PTPRN2: variants seen among roughly 807,000 people sequenced by gnomAD.
PTPRN2 encodes the protein receptor-type tyrosine-protein phosphatase N2.
Under a neutral mutation model 118.8 loss-of-function variants are expected in PTPRN2, and 74 were observed. The observed-to-expected ratio is 0.62, with a 90% CI of 0.52 to 0.76. The LOEUF is 0.76. Among genes scored for constraint, PTPRN2 ranks in the 30% least tolerant of loss-of-function variants. The pLI, the probability that PTPRN2 is intolerant of heterozygous loss-of-function variation, is 0.00. For missense variants in PTPRN2, 1,481 were observed against 1,394.4 expected (o/e 1.06, Z -0.99); for synonymous variants, 641 against 608.0 (o/e 1.05, Z -0.80).
intron 3 of PTPRN2, among the ~76,000 whole-genome samples, chr7:158,271,960 T>G (rs533217097): frequency 1.3e-5 from 2 of 152,310 alleles, no homozygotes; most frequent in South Asian, 2.1e-4. Context: ...GCTATGGCAA[T>G]TGTGACTAAT....
intron 20 of PTPRN2, among the ~76,000 whole-genome samples, chr7:157,570,093 A>T (rs1316192083): frequency 2.6e-5 from 4 of 152,248 alleles, no homozygotes; most frequent in Non-Finnish European, 5.9e-5. Context: ...GTAAATGTTT[A>T]AAAAACGGCA....
intron 2 of PTPRN2, among the ~76,000 whole-genome samples, chr7:158,445,101 C>A (rs972852295): frequency 6.6e-6 from 1 of 152,196 alleles, no homozygotes; most frequent in African/African-American, 2.4e-5. Flanking sequence ...TTCACCCTCG[C>A]TGGGCAAGAG....
chr7:158,226,287 G>C (rs1769501204), intron 3 of PTPRN2, among the ~76,000 whole-genome samples: 1 of 152,198 alleles, frequency 6.6e-6, no homozygotes, highest in Admixed American at 6.5e-5. Flanking sequence ...AGTTTGAGAA[G>C]CAGAATTGGT....
intron 2 of PTPRN2, among the ~76,000 whole-genome samples, chr7:158,383,865 G>A (rs184904966): frequency 1.0e-3 from 158 of 152,306 alleles, no homozygotes; most frequent in Non-Finnish European, 1.8e-3. Flanking sequence ...ACAGAATTAC[G>A]TAATAACGTC....
intron 8 of PTPRN2, among the ~76,000 whole-genome samples, chr7:158,136,115 G>A (rs759453183): frequency 5.3e-5 from 8 of 152,216 alleles, no homozygotes; most frequent in South Asian, 4.1e-4. Flanking sequence ...CTCTTCCTGT[G>A]GCATCCAGCG....
intron 14 of PTPRN2, among the ~76,000 whole-genome samples, chr7:157,642,842 A>AAG (rs1804781981): frequency 6.8e-6 from 1 of 146,780 alleles, no homozygotes; most frequent in South Asian, 2.2e-4. Context: ...AAAAAAAAAA[A>AAG]AAGCAGCTAA....
At chr7:157,767,442 CTT>C (rs1327006542) in intron 12 of PTPRN2, among the ~76,000 whole-genome samples, 2 of 152,228 alleles carry the variant, frequency 1.3e-5, no homozygotes, top group African/African-American at 4.8e-5. Flanking sequence ...ATGCCTGACA[CTT>C]TGTACGGTGT....
At chr7:157,544,333 G>A (rs1008194947) in intron 22 of PTPRN2, among the ~76,000 whole-genome samples, 1 of 152,254 alleles carries the variant, frequency 6.6e-6, no homozygotes, top group African/African-American at 2.4e-5. Flanking sequence ...TGCTGGGTTG[G>A]GAAGATAGGA....
intron 6 of PTPRN2, among the ~76,000 whole-genome samples, chr7:158,154,324 A>G (rs1244292212): frequency 6.6e-6 from 1 of 152,206 alleles, no homozygotes; most frequent in Non-Finnish European, 1.5e-5. Context: ...GTGAAACTGA[A>G]TCAATAACTC....
rs143289259 is a variant in PTPRN2, at chr7:157,869,556, G to C, written c.1788+29117C>G. ...CCATTCCCAAGGCACTGAGGACCTT[G>C]GGAATTTAGCCACATCAATGCAGTC... On this transcript the variant is annotated intron_variant, in intron 12 of 22. Coordinates refer to ENST00000389418, the MANE Select transcript of PTPRN2 (RefSeq NM_002847.5). This position sits in a 1 kb window ranked among gnomAD's most constrained non-coding sequence, Gnocchi z 4.2. 2.8e-3 allele frequency among the ~76,000 whole-genome samples: 431 copies of C among 152,264 alleles called. 2 individuals are homozygous for C. The highest frequency in any genetic ancestry group is 9.9e-3 in the African/African-American group (410 of 41,542).
intron 1 of PTPRN2, among the ~76,000 whole-genome samples, chr7:158,531,766 C>T (rs1279414209): frequency 6.6e-6 from 1 of 152,188 alleles, no homozygotes; most frequent in East Asian, 1.9e-4. Context: ...GCTCGACGCC[C>T]TCACCCACCA....
At chr7:158,279,963 T>C (rs1270070667) in intron 3 of PTPRN2, among the ~76,000 whole-genome samples, 1 of 152,146 alleles carries the variant, frequency 6.6e-6, no homozygotes, top group East Asian at 1.9e-4. Flanking sequence ...TCGAGGTCTG[T>C]GCACTTAATC....
chr7:158,285,892 G>A (rs1241545240), intron 3 of PTPRN2, among the ~76,000 whole-genome samples: 1 of 152,090 alleles, frequency 6.6e-6, no homozygotes, highest in Admixed American at 6.5e-5. Flanking sequence ...AGGTTTCACA[G>A]AGAGAGCTCC....
intron 11 of PTPRN2, among the ~76,000 whole-genome samples, chr7:158,069,219 C>T (rs965167578): frequency 6.6e-6 from 1 of 152,160 alleles, no homozygotes; most frequent in Non-Finnish European, 1.5e-5. Context: ...GATAGGGTCA[C>T]GCTCTATCAC....
intron 12 of PTPRN2, among the ~76,000 whole-genome samples, chr7:157,769,372 C>A (rs1215957193): frequency 6.6e-6 from 1 of 152,196 alleles, no homozygotes; most frequent in African/African-American, 2.4e-5. Flanking sequence ...GAATTCCACA[C>A]CCCTTCCCTG....
chr7:157,810,731 GGA>G (rs1805968590), intron 12 of PTPRN2, among the ~76,000 whole-genome samples: 1 of 146,098 alleles, frequency 6.8e-6, no homozygotes, highest in Non-Finnish European at 1.5e-5. Context: ...CGGGACTGCT[GGA>G]GGCTGGCTCT....
intron 12 of PTPRN2, among the ~76,000 whole-genome samples, chr7:157,826,498 A>G (rs1267515612): frequency 1.3e-5 from 1 of 78,010 alleles, no homozygotes; most frequent in Non-Finnish European, 2.4e-5. Context: ...GTGCTGTGCA[A>G]AGACGGCAGC....
chr7:158,039,180 G>T (rs761694764), intron 11 of PTPRN2, among the ~76,000 whole-genome samples: 1 of 152,202 alleles, frequency 6.6e-6, no homozygotes, highest in African/African-American at 2.4e-5. Context: ...AGGTATCTGC[G>T]TGGATAAATC....
intron 2 of PTPRN2, among the ~76,000 whole-genome samples, chr7:158,369,033 C>T (rs780093225): frequency 6.6e-6 from 1 of 151,992 alleles, no homozygotes; most frequent in Non-Finnish European, 1.5e-5. Flanking sequence ...TCTAATCAGT[C>T]GCTGGCATGG....
Sources: allele counts gnomAD v4.1 joint callset (sites outside exome capture counted in the v4.1 genomes callset), GRCh38; gene constraint gnomAD v4.1.1; non-coding constraint Gnocchi (gnomAD v3.1); transcripts MANE v1.5; gene names NCBI Gene and HGNC (gene_info 2026-07-23, HGNC 2026-07-21).